Variants in RBPJ observed in about 807,000 individuals in gnomAD.
The protein encoded by RBPJ is recombining binding protein suppressor of hairless.
Under a neutral mutation model 67.8 loss-of-function variants are expected in RBPJ, and 9 were observed. The observed-to-expected ratio is 0.13, with a 90% CI of 0.08 to 0.23. The LOEUF (loss-of-function observed/expected upper bound fraction) is 0.23, where lower values mean the gene tolerates loss of function less well. Among genes scored for constraint, RBPJ ranks in the 10% least tolerant of loss-of-function variants. The pLI is 1.00. For missense variants in RBPJ, 305 were observed against 595.6 expected (o/e 0.51, Z 5.08); for synonymous variants, 198 against 203.3 (o/e 0.97, Z 0.22).
chr4:26,254,145 A>G (rs1720214865), intron 1 of RBPJ, among the ~76,000 whole-genome samples: 1 of 148,926 alleles, frequency 6.7e-6, no homozygotes, highest in South Asian at 2.1e-4. Context: ...CTAAACAAGG[A>G]CAATAGCATC....
chr4:26,137,821 T>C, the RBPJ span, among the ~76,000 whole-genome samples: 1 of 152,180 alleles, frequency 6.6e-6, no homozygotes, highest in African/African-American at 2.4e-5. Flanking sequence ...TTTGGGGGAT[T>C]CAGCCCTCCC....
intron 1 of RBPJ, among the ~76,000 whole-genome samples, chr4:26,281,146 A>G (rs1021754374): frequency 3.3e-5 from 5 of 152,136 alleles, no homozygotes; most frequent in Non-Finnish European, 5.9e-5. Flanking sequence ...CTCATTTTTT[A>G]TTTATTTTTA....
At chr4:26,393,416 C>T (rs1235630501) in intron 2 of RBPJ, among the ~76,000 whole-genome samples, 1 of 152,060 alleles carries the variant, frequency 6.6e-6, no homozygotes, top group South Asian at 2.1e-4. Context: ...GCTTTATCAC[C>T]CAGGCTATAG....
chr4:26,188,945 T>C (rs544599505), intron 1 of RBPJ, among the ~76,000 whole-genome samples: 18 of 152,364 alleles, frequency 1.2e-4, no homozygotes, highest in African/African-American at 4.3e-4. Flanking sequence ...AATAAAATGA[T>C]ACAGTATGTT....
chr4:26,158,952 TCTCTCTCTC>T (rs1716027720), upstream of RBPJ, among the ~76,000 whole-genome samples: 2 of 73,370 alleles, frequency 2.7e-5, no homozygotes, highest in East Asian at 4.7e-4. Context: ...TCTTTCTCTC[TCTCTCTCTC>T]TCTCTCTCTC....
chr4:26,304,052 G>C (rs1722159282), intron 1 of RBPJ, among the ~76,000 whole-genome samples: 2 of 152,086 alleles, frequency 1.3e-5, no homozygotes, highest in African/African-American at 4.8e-5. Flanking sequence ...CCGGGCCCTA[G>C]ACAGCCATTA....
chr4:26,259,968 C>G (rs1720473816), intron 1 of RBPJ, among the ~76,000 whole-genome samples: 1 of 152,144 alleles, frequency 6.6e-6, no homozygotes, highest in South Asian at 2.1e-4. Context: ...TTTATTCTTG[C>G]TTCAATCTTA....
At chr4:26,225,249 T>C (rs1031739984) in intron 1 of RBPJ, among the ~76,000 whole-genome samples, 4 of 152,188 alleles carry the variant, frequency 2.6e-5, no homozygotes, top group African/African-American at 9.7e-5. Context: ...ATTAAGTCTT[T>C]ACTTGGTAGG....
chr4:26,123,800 C>G, the RBPJ span, among the ~76,000 whole-genome samples: 1 of 152,158 alleles, frequency 6.6e-6, no homozygotes, highest in African/African-American at 2.4e-5. Context: ...TCATCAATAT[C>G]ACTATCTTCA....
At chr4:26,149,459 G>T in the RBPJ span, among the ~76,000 whole-genome samples, 1 of 152,186 alleles carries the variant, frequency 6.6e-6, no homozygotes, top group Non-Finnish European at 1.5e-5. Context: ...AATCCAAGCT[G>T]CTATTGTTCG....
chr4:26,244,145 G>GTGTATATATATATGTA lies in RBPJ; in HGVS notation c.-167+80532_-167+80533insGTATATATATATGTAT, dbSNP rs1719747794. On this transcript the variant is annotated intron_variant, in intron 1 of 4. Coordinates refer to the RBPJ transcript ENST00000512351. ...AACTTTAAAATGTATATATATATGTGTACACATATATGTATATATATATGT... is the reference window on the plus strand; with the variant it reads ...AACTTTAAAATGTATATATATATGTGTGTATATATATATGTATACACATATATGTATATATATATGT... 2.2e-5 allele frequency among the ~76,000 whole-genome samples: 3 copies of GTGTATATATATATGTA among 137,380 alleles called. 1 individual carries two copies. The highest frequency in any genetic ancestry group is 8.0e-5 in the African/African-American group (3 of 37,708). The allele number at this position is 137,380 out of a possible 152,430, so 90.1% of individuals were successfully genotyped here.
chr4:26,253,324 T>G (rs921182168), intron 1 of RBPJ, among the ~76,000 whole-genome samples: 1 of 146,510 alleles, frequency 6.8e-6, no homozygotes, highest in African/African-American at 2.6e-5. Context: ...TTTTTTTTTT[T>G]TTTTTGAGAC....
chr4:26,421,514 G>T (rs1292702736), intron 5 of RBPJ, among the ~76,000 whole-genome samples: 1 of 152,054 alleles, frequency 6.6e-6, no homozygotes, highest in Admixed American at 6.6e-5. Flanking sequence ...ATTTGGCCAG[G>T]CTGGTCTTGA....
Position 26,331,762 on chromosome 4 carries a change from T to C in RBPJ, c.20+10714T>C, listed in dbSNP as rs543416803. ...AGAACTGGCTGGACGCAGTTACCTC[T>C]GGCTTACTCCAGTCTCTGCCTCTTT... is the stretch of plus-strand genomic sequence containing the variant. On this transcript the variant is annotated intron_variant, in intron 1 of 10. Transcript: ENST00000355476. Among the ~76,000 whole-genome samples the C allele has an allele frequency of 6.2e-3, 950 of 152,354 alleles. 8 individuals are homozygous for C. The highest frequency in any genetic ancestry group is 0.058 in the Middle Eastern group (17 of 294).
intron 1 of RBPJ, among the ~76,000 whole-genome samples, chr4:26,312,223 C>T (rs1253064490): frequency 6.6e-6 from 1 of 152,006 alleles, no homozygotes; most frequent in African/African-American, 2.4e-5. Flanking sequence ...GCTCTGCCTC[C>T]CAGGTTCACG....
At chr4:26,226,196 G>GTTT (rs1031130484) in intron 1 of RBPJ, among the ~76,000 whole-genome samples, 8 of 151,574 alleles carry the variant, frequency 5.3e-5, no homozygotes, top group Non-Finnish European at 1.0e-4. Flanking sequence ...TGGGTATGGT[G>GTTT]TTTTACGCCT....
At chr4:26,265,917 G>A (rs1720690376) in intron 1 of RBPJ, among the ~76,000 whole-genome samples, 2 of 151,778 alleles carry the variant, frequency 1.3e-5, no homozygotes, top group Admixed American at 1.3e-4. Flanking sequence ...CATGCCTGTA[G>A]TCCCAGCTAC....
intron 7 of RBPJ, among the ~76,000 whole-genome samples, chr4:26,427,407 A>T (rs990085345): frequency 2.0e-5 from 3 of 152,226 alleles, no homozygotes; most frequent in African/African-American, 7.2e-5. Context: ...TTAAGTGTAC[A>T]TACAAGTTGA....
intron 1 of RBPJ, among the ~76,000 whole-genome samples, chr4:26,193,421 T>A (rs543751633): frequency 6.6e-6 from 1 of 152,334 alleles, no homozygotes; most frequent in African/African-American, 2.4e-5. Context: ...TCATTTTTAC[T>A]TTTACAAAGT....
Sources: allele counts gnomAD v4.1 joint callset (sites outside exome capture counted in the v4.1 genomes callset), GRCh38; gene constraint gnomAD v4.1.1; transcripts MANE v1.5; gene names NCBI Gene and HGNC (gene_info 2026-07-23, HGNC 2026-07-21).